Variants in ROR1 observed in about 807,000 individuals in gnomAD.
ROR1 encodes ROR family WNT receptor 1.
Under a neutral mutation model 78.8 loss-of-function variants are expected in ROR1, and 19 were observed. That is an observed-to-expected ratio of 0.24 (90% CI 0.17 to 0.35). The LOEUF (loss-of-function observed/expected upper bound fraction) is 0.35, where lower values mean the gene tolerates loss of function less well. Ranked by LOEUF, ROR1 falls within the 10% of genes least tolerant of loss-of-function variation. The probability of loss-of-function intolerance (pLI) is 1.00; values close to 1 mark genes in which losing one functional copy is unlikely to be tolerated. For synonymous variants in ROR1, 386 were observed against 433.6 expected (o/e 0.89, Z 1.36); for missense variants, 917 against 1,177.8 (o/e 0.78, Z 3.24).
intron 1 of ROR1, among the ~76,000 whole-genome samples, chr1:63,938,649 G>A (rs1443074244): frequency 6.6e-6 from 1 of 152,122 alleles, no homozygotes; most frequent in Non-Finnish European, 1.5e-5. Flanking sequence ...TTTCACTAAG[G>A]TAGGTTTCAA....
chr1:64,046,926 A>G (rs1013385128), intron 2 of ROR1, among the ~76,000 whole-genome samples: 3 of 152,256 alleles, frequency 2.0e-5, no homozygotes, highest in African/African-American at 7.2e-5. Context: ...CAAAGTTAGC[A>G]TACAGGTGAA....
intron 1 of ROR1, among the ~76,000 whole-genome samples, chr1:63,862,081 T>C (rs529175142): frequency 1.2e-4 from 19 of 152,288 alleles, no homozygotes; most frequent in Admixed American, 6.5e-4. Context: ...CTGTGAAGTT[T>C]CAATAAAATG....
chr1:63,911,401 G>A, intron 1 of ROR1, among the ~76,000 whole-genome samples: 1 of 152,162 alleles, frequency 6.6e-6, no homozygotes, highest in East Asian at 1.9e-4. Flanking sequence ...CAGAAGGTGA[G>A]TGGCAGGTGA....
intron 1 of ROR1, among the ~76,000 whole-genome samples, chr1:63,885,029 G>A (rs1307808065): frequency 1.3e-5 from 2 of 152,060 alleles, no homozygotes; most frequent in Non-Finnish European, 2.9e-5. Context: ...AAAATGTGAG[G>A]AAATTGATAA....
intron 4 of ROR1, among the ~76,000 whole-genome samples, chr1:64,071,584 CACACACACACACACAG>C (rs1407237567): frequency 1.8e-5 from 2 of 110,674 alleles, no homozygotes; most frequent in South Asian, 3.1e-4. Flanking sequence ...CCCACACAGA[CACACACACACACACAG>C]ACACACACAC....
rs752335011 is a variant in ROR1 at position 63,787,468 on chromosome 1, TCCTTCCTTCCTTCCTG to T, written c.91+12968_91+12983del. Among the ~76,000 whole-genome samples the T allele has an allele frequency of 2.9e-3, 338 of 115,362 alleles. 1 individual carries two copies. The highest frequency in any genetic ancestry group is 3.7e-3 in the Non-Finnish European group (206 of 55,096). The allele number at this position is 115,362 out of a possible 152,430, so 75.7% of individuals were successfully genotyped here. ...TTCCTTCCTTCCTTCCTTCCTTCCT[TCCTTCCTTCCTTCCTG>T]CCTTCCTGCCTTCCTGACTTCCTTT... On this transcript the variant is annotated intron_variant, in intron 1 of 8. Coordinates refer to ENST00000371079, the MANE Select transcript of ROR1 (RefSeq NM_005012.4).
chr1:64,019,120 G>T (rs1412746978), intron 2 of ROR1, among the ~76,000 whole-genome samples: 1 of 152,136 alleles, frequency 6.6e-6, no homozygotes, highest in Non-Finnish European at 1.5e-5. Flanking sequence ...GGTTTAAAAG[G>T]TCTCCAGGTG....
intron 1 of ROR1, among the ~76,000 whole-genome samples, chr1:63,823,013 A>G (rs1280649922): frequency 4.6e-5 from 7 of 151,888 alleles, no homozygotes; most frequent in Admixed American, 6.6e-5. Context: ...AACTGATGCC[A>G]TGTATTGTCA....
At chr1:63,800,960 T>A (rs1043992394) in intron 1 of ROR1, among the ~76,000 whole-genome samples, 11 of 125,046 alleles carry the variant, frequency 8.8e-5, no homozygotes, top group African/African-American at 5.0e-4. Flanking sequence ...GGTATTTTGC[T>A]AGGTTTTTTT....
chr1:63,910,800 C>T (rs922831291), intron 1 of ROR1, among the ~76,000 whole-genome samples: 11 of 152,208 alleles, frequency 7.2e-5, no homozygotes, highest in South Asian at 2.1e-4. Flanking sequence ...TCGAAGTAGA[C>T]GTTCCAACCC....
intron 4 of ROR1, among the ~76,000 whole-genome samples, chr1:64,130,443 C>G (rs1333492182): frequency 6.6e-6 from 1 of 152,186 alleles, no homozygotes; most frequent in Non-Finnish European, 1.5e-5. Context: ...GAGGTGAAGT[C>G]TGCTTTTGGT....
intron 1 of ROR1, among the ~76,000 whole-genome samples, chr1:63,978,764 G>A (rs1646184037): frequency 6.6e-6 from 1 of 152,160 alleles, no homozygotes; most frequent in East Asian, 1.9e-4. Flanking sequence ...ACACACATCT[G>A]TATTAGTCAA....
chr1:63,902,489 T>C (rs972802398), intron 1 of ROR1, among the ~76,000 whole-genome samples: 2 of 152,076 alleles, frequency 1.3e-5, no homozygotes, highest in Non-Finnish European at 2.9e-5. Flanking sequence ...AGCTATTTTT[T>C]TTTTAATTTA....
At chr1:64,106,232 G>T (rs966692760) in intron 4 of ROR1, 3 of 152,048 alleles carry the variant, frequency 2.0e-5, no homozygotes, top group African/African-American at 7.2e-5. Context: ...TTGTGAATGG[G>T]ACTTCATTCA....
intron 1 of ROR1, among the ~76,000 whole-genome samples, chr1:63,817,790 T>C (rs1644900970): frequency 1.3e-5 from 2 of 152,192 alleles, no homozygotes; most frequent in South Asian, 2.1e-4. Context: ...TGCTCTAGAC[T>C]CTGGGAGAGT....
intron 1 of ROR1, among the ~76,000 whole-genome samples, chr1:63,975,815 G>A (rs992073040): frequency 3.9e-5 from 6 of 152,144 alleles, no homozygotes; most frequent in African/African-American, 9.7e-5. Flanking sequence ...TTGGGAGAGG[G>A]GAGAGAGGCT....
At chr1:63,883,698 C>G (rs1022469813) in intron 1 of ROR1, among the ~76,000 whole-genome samples, 25 of 152,290 alleles carry the variant, frequency 1.6e-4, no homozygotes, top group African/African-American at 5.8e-4. Context: ...ATGTTGTTGT[C>G]TCTGGCCGCC....
At chr1:64,018,900 G>C (rs569388512) in intron 2 of ROR1, among the ~76,000 whole-genome samples, 1 of 152,158 alleles carries the variant, frequency 6.6e-6, no homozygotes, top group Non-Finnish European at 1.5e-5. Context: ...CGTTGAATCA[G>C]GCTAGACCCT....
At chr1:64,059,148 A>G (rs1460714364) in intron 4 of ROR1, among the ~76,000 whole-genome samples, 13 of 152,036 alleles carry the variant, frequency 8.6e-5, no homozygotes, top group Admixed American at 7.9e-4. Context: ...ATCATTAATG[A>G]TAGTCCCTTT....
Sources: allele counts gnomAD v4.1 joint callset (sites outside exome capture counted in the v4.1 genomes callset), GRCh38; gene constraint gnomAD v4.1.1; transcripts MANE v1.5; gene names NCBI Gene and HGNC (gene_info 2026-07-23, HGNC 2026-07-21).